Variants in YEATS2 observed in about 807,000 individuals in gnomAD.
The protein encoded by YEATS2 is YEATS domain-containing protein 2.
YEATS2 carries 77 observed loss-of-function variants against 163.2 expected under a neutral mutation model. That is an observed-to-expected ratio of 0.47 (90% CI 0.39 to 0.57). YEATS2 has a LOEUF of 0.57. Among genes scored for constraint, YEATS2 ranks in the 20% least tolerant of loss-of-function variants. The probability of loss-of-function intolerance (pLI) is 0.00; values close to 1 mark genes in which losing one functional copy is unlikely to be tolerated. For synonymous variants in YEATS2, 631 were observed against 645.1 expected, an observed-to-expected ratio of 0.98 and a Z score of 0.33; for missense variants, 1,549 against 1,729.8, an observed-to-expected ratio of 0.90 and a Z score of 1.85.
chr3:183,736,043 AATGAACCCTC>A (rs1335790318), intron 7 of YEATS2, among the ~76,000 whole-genome samples: 1 of 152,170 alleles, frequency 6.6e-6, no homozygotes, highest in Non-Finnish European at 1.5e-5. Flanking sequence ...TAAAGAACAT[AATGAACCCTC>A]ATGTGCCCAT....
intron 21 of YEATS2, among the ~76,000 whole-genome samples, chr3:183,795,171 CA>C (rs11370496): frequency 7.3e-4 from 91 of 123,848 alleles, no homozygotes; most frequent in Non-Finnish European, 6.5e-4. Context: ...GACACTGTCT[CA>C]AAAAAAAAAA....
chr3:183,793,669 G>A (rs1724883035), intron 21 of YEATS2, among the ~76,000 whole-genome samples: 3 of 139,556 alleles, frequency 2.1e-5, no homozygotes, highest in South Asian at 2.3e-4. Flanking sequence ...CTGGAGTGCA[G>A]TGGAACAATC....
At chr3:183,807,284 C>T (rs1726313729) in intron 28 of YEATS2, 192 bp downstream of exon 28, 4 of 579,652 alleles carry the variant, frequency 6.9e-6, no homozygotes, top group East Asian at 2.9e-5. Context: ...GGGCTCCCAC[C>T]GTCCCACATC....
chr3:183,767,609 C>T (rs545765080), intron 15 of YEATS2, among the ~76,000 whole-genome samples: 1 of 152,296 alleles, frequency 6.6e-6, no homozygotes, highest in Non-Finnish European at 1.5e-5. Context: ...TCTCAAACTT[C>T]TGACCTTGTG....
At chr3:183,774,316 G>A (rs941513508) in intron 17 of YEATS2, among the ~76,000 whole-genome samples, 2 of 152,158 alleles carry the variant, frequency 1.3e-5, no homozygotes, top group Non-Finnish European at 2.9e-5. Flanking sequence ...TCACAGGAGC[G>A]CGAACCCTGT....
At position 183,709,160 on chromosome 3, in the gene YEATS2, CAA is replaced by C. The variant is rs927913029; in HGVS notation, c.-19-5974_-19-5973del. Among the ~76,000 whole-genome samples the C allele has an allele frequency of 2.8e-5, 4 of 140,620 alleles. No individual in the cohort carries two copies. In the South Asian group the frequency reaches 9.0e-4, roughly 32 times the overall value. 92.3% of individuals were successfully genotyped at this position (140,620 alleles called of 152,430 possible). ...GGGCGACAAAAGTGAGACTCTGTCT[CAA>C]AAAAAAAAAGTTTGGTTTTCTTTTT... On this transcript the variant is annotated intron_variant, in intron 1 of 30. Coordinates refer to ENST00000305135, the MANE Select transcript of YEATS2 (RefSeq NM_018023.5).
intron 12 of YEATS2, among the ~76,000 whole-genome samples, chr3:183,758,155 C>T (rs947889335): frequency 4.6e-5 from 7 of 152,000 alleles, no homozygotes; most frequent in African/African-American, 1.7e-4. Context: ...GTCAGGAGTT[C>T]GAGAGCAGCC....
chr3:183,753,466 G>A (rs1202111825), intron 10 of YEATS2, among the ~76,000 whole-genome samples: 2 of 152,132 alleles, frequency 1.3e-5, no homozygotes, highest in African/African-American at 2.4e-5. Flanking sequence ...TACAAGAGGG[G>A]CCGGGCACGG....
At chr3:183,750,388 C>T (rs1315195986) in intron 9 of YEATS2, among the ~76,000 whole-genome samples, 1 of 152,156 alleles carries the variant, frequency 6.6e-6, no homozygotes, top group Non-Finnish European at 1.5e-5. Context: ...CTGCTATGAA[C>T]GTAGGTGTAC....
chr3:183,722,165 G>T, intron 5 of YEATS2, 29 bp downstream of exon 5: 4 of 1,588,148 alleles, frequency 2.5e-6, no homozygotes, highest in Non-Finnish European at 3.4e-6. Flanking sequence ...GTGGGAGGGA[G>T]CCACAGGAGA....
intron 1 of YEATS2, among the ~76,000 whole-genome samples, chr3:183,701,413 G>A (rs986180940): frequency 3.3e-5 from 5 of 151,276 alleles, no homozygotes; most frequent in African/African-American, 9.7e-5. Context: ...TTGAGACAGG[G>A]TCTGTCTCTG....
At chr3:183,742,875 A>C (rs985135713) in intron 8 of YEATS2, among the ~76,000 whole-genome samples, 2 of 152,202 alleles carry the variant, frequency 1.3e-5, no homozygotes, top group African/African-American at 4.8e-5. Flanking sequence ...CCAAACCTTC[A>C]ACAAACAGCC....
intron 12 of YEATS2, 67 bp downstream of exon 12, chr3:183,756,756 A>G (rs1577123366): frequency 7.8e-7 from 1 of 1,278,318 alleles, no homozygotes; most frequent in African/African-American, 1.5e-5. Context: ...TAATCCTGCC[A>G]TGACTTGGTA....
intron 19 of YEATS2, among the ~76,000 whole-genome samples, chr3:183,778,192 G>A (rs1339526914): frequency 6.6e-6 from 1 of 151,710 alleles, no homozygotes; most frequent in African/African-American, 2.4e-5. Flanking sequence ...TTGAGGTTTG[G>A]GAAAATATAA....
rs569481155 is a variant in YEATS2 at position 183,800,638 on chromosome 3, G to A, written c.3428+70G>A. 340 of 1,263,268 alleles carry A rather than the reference G, an allele frequency of 2.7e-4. No individual in the cohort carries two copies. The Middle Eastern group carries it at 3.6e-3, about 13-fold the overall frequency. 78.3% of individuals were successfully genotyped at this position (1,263,268 alleles called of 1,614,324 possible). A position where few individuals can be genotyped will look rare whatever the true frequency, so the allele number is the denominator to read the frequency against. On this transcript the variant is annotated intron_variant, in intron 24 of 30. Transcript: ENST00000305135. ...TGTCACGCCTGTGACAGCTGAGTAT[G>A]TGCAGAGTTGTGTGTGTGTAGCTCT... is the stretch of plus-strand genomic sequence containing the variant.
At chr3:183,782,928 C>G (rs1357781317) in intron 19 of YEATS2, among the ~76,000 whole-genome samples, 1 of 152,226 alleles carries the variant, frequency 6.6e-6, no homozygotes, top group East Asian at 1.9e-4. Flanking sequence ...AATGGTTGTA[C>G]TGTTTGACTA....
At chr3:183,716,996 G>A (rs999662263) in intron 2 of YEATS2, among the ~76,000 whole-genome samples, 3 of 151,576 alleles carry the variant, frequency 2.0e-5, no homozygotes, top group African/African-American at 4.8e-5. Context: ...AAGTTCAAGC[G>A]ATTCTCCTGC....
Position 183,804,135 on chromosome 3 carries a change from G to A in YEATS2, c.3731G>A (p.Arg1244Lys), listed in dbSNP as rs1725953501. 1 of 1,614,056 alleles carries A rather than the reference G, an allele frequency of 6.2e-7. No homozygotes were observed. Among genetic ancestry groups the A allele is most frequent in the Non-Finnish European group, 8.5e-7 (1 of 1,180,046 alleles). Residue 1244 changes from arginine to lysine, a missense_variant, in exon 27 of 31, where the codon AGG becomes AAG. Arg to Lys is a conservative substitution (Grantham distance 26). Transcript: ENST00000305135. Reference protein sequence around the residue: ...GYTPPDPESLRNDGDSIEDVL... With the variant: ...GYTPPDPESLKNDGDSIEDVL... ...ACCCCACCGGACCCTGAGAGCCTGA[G>A]GAATGACGGGGACTCCATCGAGGAC...
intron 20 of YEATS2, among the ~76,000 whole-genome samples, chr3:183,788,506 T>C (rs1275061435): frequency 6.6e-6 from 1 of 152,222 alleles, no homozygotes; most frequent in African/African-American, 2.4e-5. Flanking sequence ...CGGAATAATA[T>C]TGTATTGTGT....
Sources: gnomAD v4.1 joint callset for allele counts (sites outside exome capture counted in the v4.1 genomes callset) on GRCh38, gnomAD v4.1.1 for gene constraint, MANE v1.5 for transcripts, NCBI Gene and HGNC (gene_info 2026-07-23, HGNC 2026-07-21) for gene names.